The following LARGE1 variants were observed in gnomAD, a reference collection of about 807,000 sequenced individuals.
The protein encoded by LARGE1 is xylosyl- and glucuronyltransferase LARGE1.
LARGE1 carries 43 observed loss-of-function variants against 87.6 expected under a neutral mutation model. That is an observed-to-expected ratio of 0.49 (90% CI 0.38 to 0.63). The LOEUF (loss-of-function observed/expected upper bound fraction) is 0.63, where lower values mean the gene tolerates loss of function less well. Among genes scored for constraint, LARGE1 ranks in the 30% least tolerant of loss-of-function variants. The pLI, the probability that LARGE1 is intolerant of heterozygous loss-of-function variation, is 0.00. For synonymous variants in LARGE1, 434 were observed against 394.6 expected (o/e 1.10, Z -1.18); for missense variants, 802 against 1,000.2 (o/e 0.80, Z 2.67).
At chr22:33,744,022 A>C (rs1488154996) in intron 2 of LARGE1, 1 of 152,184 alleles carries the variant, frequency 6.6e-6, no homozygotes, top group Non-Finnish European at 1.5e-5. Flanking sequence ...GCTGGCTGTG[A>C]ATCCAGTCCA....
intron 9 of LARGE1, among the ~76,000 whole-genome samples, chr22:33,360,819 G>A (rs533592253): frequency 9.3e-5 from 14 of 150,012 alleles, no homozygotes; most frequent in Non-Finnish European, 1.6e-4. Flanking sequence ...ACGAAGGCAG[G>A]TATCTTGTCC....
chr22:33,241,658 G>C (rs1234142876), intron 11 of LARGE1, among the ~76,000 whole-genome samples: 1 of 151,546 alleles, frequency 6.6e-6, no homozygotes, highest in Non-Finnish European at 1.5e-5. Flanking sequence ...GTGTGTATAT[G>C]TGTGTGTGTA....
chr22:33,848,641 C>T (rs983506921), intron 1 of LARGE1, among the ~76,000 whole-genome samples: 2 of 152,166 alleles, frequency 1.3e-5, no homozygotes, highest in African/African-American at 4.8e-5. Context: ...AGACACTGGG[C>T]CCAAAAACTC....
intron 2 of LARGE1, among the ~76,000 whole-genome samples, chr22:33,658,548 C>A (rs2081034387): frequency 6.6e-6 from 1 of 152,170 alleles, no homozygotes; most frequent in Admixed American, 6.5e-5. Flanking sequence ...TTTTGGTTTT[C>A]TTTTCCTGTG....
intron 3 of LARGE1, among the ~76,000 whole-genome samples, chr22:33,646,464 A>G (rs2080615889): frequency 6.6e-6 from 1 of 152,154 alleles, no homozygotes; most frequent in Admixed American, 6.5e-5. Flanking sequence ...GGAGAGCACT[A>G]GGACAAATAC....
At chr22:33,306,899 A>C (rs1353145798) in intron 11 of LARGE1, among the ~76,000 whole-genome samples, 1 of 152,016 alleles carries the variant, frequency 6.6e-6, no homozygotes, top group Non-Finnish European at 1.5e-5. Flanking sequence ...AAAATACTCA[A>C]GGTTCTCAGA....
At chr22:33,364,180 G>A (rs1163108181) in intron 9 of LARGE1, among the ~76,000 whole-genome samples, 1 of 151,840 alleles carries the variant, frequency 6.6e-6, no homozygotes, top group African/African-American at 2.4e-5. Flanking sequence ...TCAGCCTCCC[G>A]AGTAGCTGGG....
chr22:33,701,292 GC>G lies in LARGE1; in HGVS notation c.107-50625del, dbSNP rs1002735746. The stretch of plus-strand genomic sequence containing the variant: ...ATGGAAAGGAAAATGGGAATTGGAG[GC>G]CAAAAGTTTTCATAAAGCAAAGGTG... On this transcript the variant is annotated intron_variant, in intron 2 of 14. Coordinates refer to ENST00000397394, the MANE Select transcript of LARGE1 (RefSeq NM_133642.5). 1.5e-4 allele frequency among the ~76,000 whole-genome samples: 23 copies of G among 152,324 alleles called. 2 individuals are homozygous for G. Among genetic ancestry groups the G allele is most frequent in the African/African-American group, 3.1e-4 (13 of 41,568 alleles).
intron 12 of LARGE1, among the ~76,000 whole-genome samples, chr22:33,303,703 C>T (rs919009530): frequency 1.3e-4 from 20 of 152,144 alleles, no homozygotes; most frequent in African/African-American, 4.6e-4. Flanking sequence ...CTCACTGCAA[C>T]CTCCGACTCC....
At chr22:33,751,913 A>G (rs1165521602) in intron 2 of LARGE1, among the ~76,000 whole-genome samples, 1 of 152,060 alleles carries the variant, frequency 6.6e-6, no homozygotes, top group African/African-American at 2.4e-5. Context: ...GGCTACAAGC[A>G]TGCTAATTAC....
In LARGE1 at chr22:33,624,068, G is replaced by A. The variant is rs141059393; in HGVS notation, c.491+2176C>T. On this transcript the variant is annotated intron_variant, in intron 4 of 14. Transcript: ENST00000397394. ...ATAAAAAATAAAAATAAGGCAAAAC[G>A]AACTGCTGACAATCACTCAGCAATA... Among the ~76,000 whole-genome samples the A allele has an allele frequency of 4.6e-5, 7 of 152,202 alleles. No homozygotes were observed. In the South Asian group the frequency reaches 6.2e-4, roughly 14 times the overall value.
chr22:33,494,919 T>C (rs2070029215), intron 6 of LARGE1, among the ~76,000 whole-genome samples: 2 of 152,226 alleles, frequency 1.3e-5, no homozygotes, highest in South Asian at 4.1e-4. Flanking sequence ...CTGTCCTCTC[T>C]TGGCGCTGCC....
At chr22:33,339,348 G>A (rs950491542) in intron 9 of LARGE1, among the ~76,000 whole-genome samples, 4 of 151,656 alleles carry the variant, frequency 2.6e-5, no homozygotes, top group African/African-American at 9.7e-5. Context: ...CACAAGGGGC[G>A]GAAAGATATG....
rs1252301008 is a variant in LARGE1 at position 33,782,742 on chromosome 22, G to C, written c.-82-21184C>G. 2.0e-5 allele frequency among the ~76,000 whole-genome samples: 3 copies of C among 152,012 alleles called. No individual in the cohort carries two copies. In the East Asian group the frequency reaches 5.8e-4, roughly 29 times the overall value. ...TAGCTGGGCGTGGTGGTGCGTGCCTGTAATCCCAGCTACTCGGGAGGCTGA... is the reference window on the plus strand; with the variant it reads ...TAGCTGGGCGTGGTGGTGCGTGCCTCTAATCCCAGCTACTCGGGAGGCTGA... On this transcript the variant is annotated intron_variant, in intron 1 of 14. Transcript: ENST00000397394.
intron 12 of LARGE1, among the ~76,000 whole-genome samples, chr22:33,290,172 C>A (rs1327875975): frequency 6.6e-6 from 1 of 152,134 alleles, no homozygotes; most frequent in Non-Finnish European, 1.5e-5. Flanking sequence ...TCCCTCCCTC[C>A]ATCTCATTCT....
At chr22:33,785,229 G>C (rs1038062490) in intron 1 of LARGE1, among the ~76,000 whole-genome samples, 1 of 150,510 alleles carries the variant, frequency 6.6e-6, no homozygotes, top group Non-Finnish European at 1.5e-5. Context: ...ACATATATGT[G>C]TATACATACA....
chr22:33,674,823 A>G (rs1172862488), intron 2 of LARGE1, among the ~76,000 whole-genome samples: 2 of 152,154 alleles, frequency 1.3e-5, no homozygotes, highest in Admixed American at 6.5e-5. Context: ...GTGGAGCTCA[A>G]TTGCAGTGAT....
intron 6 of LARGE1, among the ~76,000 whole-genome samples, chr22:33,471,130 C>A (rs1000056093): frequency 2.0e-5 from 3 of 150,934 alleles, no homozygotes; most frequent in African/African-American, 7.3e-5. Context: ...TGGGTTCAAG[C>A]AATTCTCATG....
intron 5 of LARGE1, among the ~76,000 whole-genome samples, chr22:33,573,575 G>A (rs1190084664): frequency 1.3e-5 from 2 of 152,198 alleles, no homozygotes; most frequent in East Asian, 3.8e-4. Context: ...ACTGAGGAGG[G>A]CGAGGGACCA....
Sources: allele counts gnomAD v4.1 joint callset (sites outside exome capture counted in the v4.1 genomes callset), GRCh38; gene constraint gnomAD v4.1.1; transcripts MANE v1.5; gene names NCBI Gene and HGNC (gene_info 2026-07-23, HGNC 2026-07-21).